The following SNX25 variants were observed in gnomAD, a reference collection of about 807,000 sequenced individuals.
The protein encoded by SNX25 is sorting nexin-25.
SNX25 carries 62 observed loss-of-function variants against 113.7 expected under a neutral mutation model. The observed-to-expected ratio is 0.55, with a 90% CI of 0.44 to 0.67. The LOEUF is 0.67. Ranked by LOEUF, SNX25 falls within the 30% of genes least tolerant of loss-of-function variation. The pLI is 0.00. For synonymous variants in SNX25, 421 were observed against 436.2 expected, an observed-to-expected ratio of 0.97 and a Z score of 0.43; for missense variants, 1,014 against 1,161.0, an observed-to-expected ratio of 0.87 and a Z score of 1.84.
chr4:185,362,783 T>C (rs2095371172), intron 18 of SNX25, 72 bp downstream of exon 18: 5 of 1,125,430 alleles, frequency 4.4e-6, no homozygotes, highest in South Asian at 3.9e-5. Flanking sequence ...AGAAAAAACA[T>C]GTGCCCCAGT....
chr4:185,205,711 C>G (rs185345848), upstream of SNX25, among the ~76,000 whole-genome samples: 304 of 152,298 alleles, frequency 2.0e-3, 3 homozygotes, highest in East Asian at 0.018. Flanking sequence ...CATCTGTAAT[C>G]CCAGCTACTC....
In SNX25 at chr4:185,284,571, A is replaced by G. The variant is rs186407574; in HGVS notation, c.1092-3441A>G. ...ACCAGCCTGGCTTAATTAGGTTCAC[A>G]TTCATAGGGAGAAAAAAAACGAAGT... On this transcript the variant is annotated intron_variant, in intron 5 of 18. Coordinates refer to ENST00000652585, the MANE Select transcript of SNX25 (RefSeq NM_001378034.2). Among the ~76,000 whole-genome samples, 544 of 152,304 alleles carry G rather than the reference A, an allele frequency of 3.6e-3. 2 individuals carry two copies. The highest frequency in any genetic ancestry group is 0.012 in the African/African-American group (510 of 41,574).
chr4:185,372,020 AGGAAAGTACAT>A (rs1268847557), downstream of SNX25, among the ~76,000 whole-genome samples: 19 of 152,358 alleles, frequency 1.2e-4, no homozygotes, highest in African/African-American at 4.6e-4. Flanking sequence ...AAATACGTGT[AGGAAAGTACAT>A]GGAGCCTTAC....
intron 7 of SNX25, among the ~76,000 whole-genome samples, chr4:185,319,031 G>A (rs1437613586): frequency 2.0e-5 from 3 of 151,170 alleles, no homozygotes; most frequent in Admixed American, 6.6e-5. Flanking sequence ...TTTGGAACAC[G>A]TGGATTACCA....
chr4:185,373,116 C>G, downstream of SNX25: 3 of 1,542,954 alleles, frequency 1.9e-6, no homozygotes, highest in Middle Eastern at 1.7e-4. Flanking sequence ...TATTTGTGAT[C>G]CACTAGATGA....
intron 9 of SNX25, among the ~76,000 whole-genome samples, chr4:185,331,319 C>G (rs2095193251): frequency 1.3e-5 from 2 of 152,140 alleles, no homozygotes. Flanking sequence ...CATTGTTATT[C>G]TAATTATTCT....
At chr4:185,267,837 G>A (rs1326320501) in intron 5 of SNX25, among the ~76,000 whole-genome samples, 1 of 152,096 alleles carries the variant, frequency 6.6e-6, no homozygotes, top group Non-Finnish European at 1.5e-5. Context: ...TATCTTGTGT[G>A]TTATATGTGT....
chr4:185,209,859 C>G lies in SNX25; in HGVS notation c.33C>G (p.Ala11=). MHPDATDSGG[A]GPSPARAAGA... ...CCGATGCGACCGACAGTGGCGGCGC[C>G]GGCCCCAGCCCCGCGCGGGCCGCAG... Residue 11 remains alanine, a synonymous_variant, in exon 1 of 19, where the codon GCC becomes GCG. Transcript: ENST00000652585. The surrounding 1 kb of genome is among the most constrained non-coding windows in gnomAD (Gnocchi z 5.2). 2.0e-6 allele frequency: 2 copies of G among 983,354 alleles called. No homozygotes were observed. Among genetic ancestry groups the G allele is most frequent in the Non-Finnish European group, 2.4e-6 (2 of 829,176 alleles). 60.9% of individuals were successfully genotyped at this position (983,354 alleles called of 1,614,324 possible).
intron 4 of SNX25, 96 bp downstream of exon 4, chr4:185,264,706 G>A (rs1318382064): frequency 1.5e-6 from 2 of 1,320,454 alleles, no homozygotes; most frequent in East Asian, 2.4e-5. Flanking sequence ...GGGATTTGAA[G>A]TATTTTCAAA....
At chr4:185,374,477 GA>G (rs752070486), downstream of SNX25, 1 of 1,601,112 alleles carries the variant, frequency 6.2e-7, no homozygotes, top group South Asian at 1.1e-5. Flanking sequence ...ACAAAAGAAA[GA>G]GCAAAAAAAC....
intron 1 of SNX25, among the ~76,000 whole-genome samples, chr4:185,226,214 G>A (rs1352762740): frequency 6.6e-6 from 1 of 152,150 alleles, no homozygotes; most frequent in Non-Finnish European, 1.5e-5. Context: ...GTAGAATGGC[G>A]GTGGTGCCTT....
At chr4:185,229,031 C>T (rs761364459) in intron 1 of SNX25, among the ~76,000 whole-genome samples, 5 of 152,116 alleles carry the variant, frequency 3.3e-5, no homozygotes, top group Admixed American at 6.5e-5. Context: ...CGCAAAGGTA[C>T]GTGGGCTGAG....
Position 185,354,563 on chromosome 4 carries a change from G to T in SNX25, c.2584+961G>T, listed in dbSNP as rs149833076. Among the ~76,000 whole-genome samples the T allele has an allele frequency of 6.7e-3, 1,025 of 152,288 alleles. 16 individuals are homozygous for T. Among genetic ancestry groups the T allele is most frequent in the African/African-American group, 0.024 (985 of 41,550 alleles). ...CCCCAATGACAGTAATGCTGGAGTT[G>T]AGAAATCCTACCCTAGTGAATCCTC... On this transcript the variant is annotated intron_variant, in intron 15 of 18. Transcript: ENST00000652585.
At chr4:185,349,756 T>A (rs1181597203) in intron 13 of SNX25, among the ~76,000 whole-genome samples, 1 of 152,182 alleles carries the variant, frequency 6.6e-6, no homozygotes, top group African/African-American at 2.4e-5. Flanking sequence ...TGCTGTTGAA[T>A]TGTTTGAGTT....
downstream of SNX25, chr4:185,366,425 G>C (rs1388694443): frequency 1.3e-5 from 2 of 152,150 alleles, no homozygotes; most frequent in African/African-American, 4.8e-5. Context: ...GCATATGTAT[G>C]TAGCAGTTGT....
chr4:185,346,428 A>G (rs1279832497), intron 12 of SNX25, 109 bp from the exon 13 acceptor site: 1 of 743,328 alleles, frequency 1.3e-6, no homozygotes, highest in Non-Finnish European at 2.2e-6. Flanking sequence ...ACCTCAGAGG[A>G]ACAAGTACAG....
In SNX25 at chr4:185,250,916, A is replaced by T. The variant is rs1317023136; in HGVS notation, c.514+3538A>T. Among the ~76,000 whole-genome samples, 4 of 152,176 alleles carry T rather than the reference A, an allele frequency of 2.6e-5. No individual in the cohort carries two copies. In the East Asian group the frequency reaches 7.7e-4, roughly 29 times the overall value. ...GAACTCTGTCCTTAATATTAAAAAA[A>T]TTTTAATTGTGTTAAAATAGACATA... is the stretch of plus-strand genomic sequence containing the variant. On this transcript the variant is annotated intron_variant, in intron 2 of 18. Transcript: ENST00000652585.
At chr4:185,307,282 C>T (rs1025077230) in intron 6 of SNX25, among the ~76,000 whole-genome samples, 7 of 152,158 alleles carry the variant, frequency 4.6e-5, no homozygotes, top group Non-Finnish European at 1.0e-4. Flanking sequence ...AGACTGCACT[C>T]GTGGGAACCA....
chr4:185,239,215 C>T (rs58265252), intron 1 of SNX25, among the ~76,000 whole-genome samples: 1,658 of 152,028 alleles, frequency 0.011, 34 homozygotes, highest in African/African-American at 0.038. Flanking sequence ...GGCGCGGTGG[C>T]TCACACCTGT....
Sources: gnomAD v4.1 joint callset for allele counts (sites outside exome capture counted in the v4.1 genomes callset) on GRCh38, gnomAD v4.1.1 for gene constraint, Gnocchi (gnomAD v3.1) non-coding constraint, MANE v1.5 for transcripts, NCBI Gene and HGNC (gene_info 2026-07-23, HGNC 2026-07-21) for gene names.